ARHGEF12: variants seen among roughly 807,000 people sequenced by gnomAD.
The protein encoded by ARHGEF12 is Rho guanine nucleotide exchange factor 12, also known as KMT2A/ARHGEF12 fusion protein.
A neutral mutation model predicts 211.2 loss-of-function variants in ARHGEF12; 66 were observed. The ratio of observed to expected loss-of-function variants is 0.31; its 90% CI spans 0.26 to 0.38. ARHGEF12 has a LOEUF of 0.38. Among genes scored for constraint, ARHGEF12 ranks in the 10% least tolerant of loss-of-function variants. ARHGEF12 has a pLI of 1.00. For synonymous variants in ARHGEF12, 592 were observed against 638.4 expected, an observed-to-expected ratio of 0.93 and a Z score of 1.09; for missense variants, 1,429 against 1,869.5, an observed-to-expected ratio of 0.76 and a Z score of 4.34.
chr11:120,437,236 T>TC, intron 11 of ARHGEF12, 72 bp from the exon 12 acceptor site: 1 of 1,037,574 alleles, frequency 9.6e-7, no homozygotes, highest in Non-Finnish European at 1.4e-6. Context: ...AATTTTTTTT[T>TC]CACACTTTTT....
At chr11:120,427,671 A>T (rs1041355134) in intron 7 of ARHGEF12, among the ~76,000 whole-genome samples, 2 of 139,442 alleles carry the variant, frequency 1.4e-5, no homozygotes, top group African/African-American at 5.1e-5. Context: ...GACCCTAATT[A>T]AAAAAAAAAA....
chr11:120,471,125 G>T (rs1036205833), intron 30 of ARHGEF12, among the ~76,000 whole-genome samples: 1 of 152,106 alleles, frequency 6.6e-6, no homozygotes, highest in Non-Finnish European at 1.5e-5. Flanking sequence ...ATCTTTATCT[G>T]AAGATAAAGA....
At chr11:120,416,897 A>G (rs1168929899) in intron 4 of ARHGEF12, among the ~76,000 whole-genome samples, 1 of 152,114 alleles carries the variant, frequency 6.6e-6, no homozygotes, top group African/African-American at 2.4e-5. Context: ...TGATCCGCCC[A>G]TCTCAGCCTT....
At chr11:120,436,916 T>C (rs1945712056) in intron 11 of ARHGEF12, among the ~76,000 whole-genome samples, 1 of 152,124 alleles carries the variant, frequency 6.6e-6, no homozygotes, top group Admixed American at 6.5e-5. Context: ...ATTGTACTCA[T>C]AAGTAGGGCA....
intron 4 of ARHGEF12, among the ~76,000 whole-genome samples, chr11:120,415,072 A>G (rs1476383510): frequency 6.6e-6 from 1 of 152,218 alleles, no homozygotes; most frequent in Non-Finnish European, 1.5e-5. Flanking sequence ...ATGATTAATA[A>G]TCTTTATACC....
chr11:120,434,092 G>A (rs977684308), intron 11 of ARHGEF12, among the ~76,000 whole-genome samples: 5 of 152,146 alleles, frequency 3.3e-5, no homozygotes, highest in African/African-American at 1.2e-4. Flanking sequence ...GCTTTATCTT[G>A]CATGCAGAAG....
At chr11:120,426,452 A>G (rs1331569056) in intron 7 of ARHGEF12, among the ~76,000 whole-genome samples, 1 of 152,216 alleles carries the variant, frequency 6.6e-6, no homozygotes, top group Non-Finnish European at 1.5e-5. Context: ...GGTGTATGTA[A>G]CAGAGTTCCT....
chr11:120,344,982 A>C (rs540881824), intron 1 of ARHGEF12, among the ~76,000 whole-genome samples: 1 of 152,176 alleles, frequency 6.6e-6, no homozygotes, highest in African/African-American at 2.4e-5. Flanking sequence ...ATGCTCCTTT[A>C]TGATTTTACC....
At chr11:120,484,536 T>C (rs1258108106) in intron 40 of ARHGEF12, 29 bp downstream of exon 40, 14 of 1,560,618 alleles carry the variant, frequency 9.0e-6, no homozygotes, top group Non-Finnish European at 1.2e-5. Context: ...TTCCAGACTC[T>C]AGACTAATCA....
At position 120,443,825 on chromosome 11, in the gene ARHGEF12, A is replaced by T. The variant is rs578065543; in HGVS notation, c.1303-1597A>T. On this transcript the variant is annotated intron_variant, in intron 15 of 40. Transcript: ENST00000397843. Reference sequence around the variant, plus strand: ...TAAAAAATGAAACAATTTTTTAAAAATATAGTATAACAACTATTTGCATAG... The same window carrying T: ...TAAAAAATGAAACAATTTTTTAAAATTATAGTATAACAACTATTTGCATAG... Among the ~76,000 whole-genome samples, 15 of 152,368 alleles carry T rather than the reference A, an allele frequency of 9.8e-5. No homozygotes were observed. In the East Asian group the frequency reaches 2.9e-3, roughly 29 times the overall value.
intron 16 of ARHGEF12, among the ~76,000 whole-genome samples, chr11:120,445,783 A>G (rs1946025903): frequency 6.6e-6 from 1 of 152,180 alleles, no homozygotes; most frequent in African/African-American, 2.4e-5. Flanking sequence ...CTGTAATCCC[A>G]GCTACTTAGG....
rs984614141 is a variant in ARHGEF12 at position 120,367,057 on chromosome 11, A to G, written c.32+29782A>G. Among the ~76,000 whole-genome samples, 7 of 152,040 alleles carry G rather than the reference A, an allele frequency of 4.6e-5. No homozygotes were observed. The South Asian group carries it at 6.2e-4, about 14-fold the overall frequency. ...TTAATAAGTCACTGCTACACTGGCA[A>G]AGAAGGGTTGAGTAGTTTTAAGAAG... On this transcript the variant is annotated intron_variant, in intron 1 of 40. Coordinates refer to ENST00000397843, the MANE Select transcript of ARHGEF12 (RefSeq NM_015313.3).
chr11:120,351,723 G>A (rs577573838), intron 1 of ARHGEF12, among the ~76,000 whole-genome samples: 183 of 151,786 alleles, frequency 1.2e-3, no homozygotes, highest in African/African-American at 3.9e-3. Flanking sequence ...TGCCCGCCTC[G>A]GCCTCCCAAA....
intron 1 of ARHGEF12, among the ~76,000 whole-genome samples, chr11:120,357,975 A>C (rs899416801): frequency 2.6e-5 from 4 of 152,222 alleles, no homozygotes; most frequent in African/African-American, 9.7e-5. Context: ...GGATGGGCAC[A>C]GCAGTTGGTA....
Position 120,337,163 on chromosome 11 carries a change from C to A in ARHGEF12, c.-81C>A. Reference sequence around the variant, plus strand: ...TGTCCCTGACGGAGTTGGGCCTGATCCCAGAGCACTGGGGGTGGGGAGGAG... The same window carrying A: ...TGTCCCTGACGGAGTTGGGCCTGATACCAGAGCACTGGGGGTGGGGAGGAG... On this transcript the variant is annotated 5_prime_UTR_variant, in exon 1 of 41. Coordinates refer to ENST00000397843, the MANE Select transcript of ARHGEF12 (RefSeq NM_015313.3). The A allele has an allele frequency of 6.4e-7, 1 of 1,565,624 alleles. No homozygotes were observed. The highest frequency in any genetic ancestry group is 8.8e-7 in the Non-Finnish European group (1 of 1,136,400).
Position 120,447,806 on chromosome 11 carries a change from A to T in ARHGEF12, c.1590-68A>T, listed in dbSNP as rs149552899. On this transcript the variant is annotated intron_variant, in intron 18 of 40. Coordinates refer to ENST00000397843, the MANE Select transcript of ARHGEF12 (RefSeq NM_015313.3). ...ACTCCAGCCTGGGTGGCAGAGTGAGACTCTGTCTCAAAAAAATTAATTAAA... is the reference window on the plus strand; with the variant it reads ...ACTCCAGCCTGGGTGGCAGAGTGAGTCTCTGTCTCAAAAAAATTAATTAAA... 1.7e-4 allele frequency: 199 copies of T among 1,152,056 alleles called. 1 individual carries two copies. In the East Asian group the frequency reaches 5.2e-3, roughly 30 times the overall value. The allele number at this position is 1,152,056 out of a possible 1,614,324, so 71.4% of individuals were successfully genotyped here. A position where few individuals can be genotyped will look rare whatever the true frequency, so the allele number is the denominator to read the frequency against.
At chr11:120,337,307 C>A in intron 1 of ARHGEF12, 32 bp downstream of exon 1, 1 of 1,613,652 alleles carries the variant, frequency 6.2e-7, no homozygotes, top group Non-Finnish European at 8.5e-7. Context: ...GTTCGGCCTC[C>A]CGGAATCGGG....
chr11:120,473,252 A>T (rs918297646), intron 31 of ARHGEF12, 125 bp downstream of exon 31: 22 of 834,000 alleles, frequency 2.6e-5, no homozygotes, highest in Non-Finnish European at 3.8e-5. Context: ...GATTATCTGT[A>T]TTTATGATTT....
In ARHGEF12 at chr11:120,451,632, G is replaced by T; in HGVS notation, c.1964G>T (p.Gly655Val). 1 of 1,614,110 alleles carries T rather than the reference G, an allele frequency of 6.2e-7. No individual in the cohort carries two copies. The highest frequency in any genetic ancestry group is 8.5e-7 in the Non-Finnish European group (1 of 1,180,020). ...CGCCAGAGTGGGTTAGCAAATGAAG[G>T]AACAGACGCTGGATACCTGCCTGCC... The part of the protein sequence containing the change: ...KLRQSGLANE[G>V]TDAGYLPANS... The change falls in exon 22 of 41, where the codon GGA (glycine) becomes GTA (valine). Residue 655 changes from glycine to valine, a missense_variant. Coordinates refer to ENST00000397843, the MANE Select transcript of ARHGEF12 (RefSeq NM_015313.3).
Sources: allele counts gnomAD v4.1 joint callset (sites outside exome capture counted in the v4.1 genomes callset), GRCh38; gene constraint gnomAD v4.1.1; transcripts MANE v1.5; gene names NCBI Gene and HGNC (gene_info 2026-07-23, HGNC 2026-07-21).